Variants in FLG observed in about 807,000 individuals in gnomAD.
FLG encodes filaggrin.
FLG carries 6 observed loss-of-function variants against 3.8 expected under a neutral mutation model. The observed-to-expected ratio is 1.60, with a 90% CI of 0.87 to 3.15. The LOEUF (loss-of-function observed/expected upper bound fraction) is 3.15, where lower values mean the gene tolerates loss of function less well. FLG is among the 30% of genes most tolerant of loss of function. The pLI is 0.00. For missense variants in FLG, 7,595 were observed against 5,050.9 expected (o/e 1.50, Z -15.27); for synonymous variants, 2,551 against 1,931.6 (o/e 1.32, Z -8.41).
rs1023907523 is a variant in FLG, at chr1:152,313,088, G to T, written c.1798C>A (p.His600Asn). The T allele has an allele frequency of 6.2e-7, 1 of 1,613,806 alleles. No homozygotes were observed. Among genetic ancestry groups the T allele is most frequent in the African/African-American group, 1.3e-5 (1 of 74,774 alleles). The stretch of plus-strand genomic sequence containing the variant: ...GATTGTCCCTGGCCCACCTGTGAGT[G>T]TCTAGAGCTGTCAGCCTGAGAGGAA... ...EASSQADSSRHSQVGQGQSSG... is the reference protein window; with the variant it reads ...EASSQADSSRNSQVGQGQSSG... Residue 600 changes from histidine (H) to asparagine (N), a missense_variant, in exon 3 of 3, where the codon CAC (histidine) becomes AAC (asparagine). His to Asn is a moderately conservative substitution (Grantham distance 68). Transcript: ENST00000368799.
Position 152,309,598 on chromosome 1 carries a change from C to G in FLG, c.5288G>C (p.Gly1763Ala). The G allele has an allele frequency of 6.2e-7, 1 of 1,613,838 alleles. No individual in the cohort carries two copies. Among genetic ancestry groups the G allele is most frequent in the Non-Finnish European group, 8.5e-7 (1 of 1,179,944 alleles). ...AGTGCTCACCTGGTAGAGGAAAGACCCTGAACGTCCAGACCTTTCCCCTGA... is the reference window on the plus strand; with the variant it reads ...AGTGCTCACCTGGTAGAGGAAAGACGCTGAACGTCCAGACCTTTCCCCTGA... ...GQSGERSGRS[G>A]SFLYQVSTHE... The change falls in exon 3 of 3, where the codon GGG (glycine) becomes GCG (alanine). Residue 1763 changes from glycine (G) to alanine (A), a missense_variant. Physicochemically the swap from Gly to Ala is moderately conservative, Grantham distance 60. Transcript: ENST00000368799.
rs1305169176 is a variant in FLG, at chr1:152,303,365, T to C, written c.11521A>G (p.Arg3841Gly). 11 of 1,614,000 alleles carry C rather than the reference T, an allele frequency of 6.8e-6. No individual in the cohort carries two copies. The highest frequency in any genetic ancestry group is 9.3e-6 in the Non-Finnish European group (11 of 1,180,020). Residue 3841 changes from arginine to glycine, a missense_variant, in exon 3 of 3, where the codon AGA becomes GGA. Physicochemically the swap from Arg to Gly is moderately radical, Grantham distance 125. Coordinates refer to ENST00000368799, the MANE Select transcript of FLG (RefSeq NM_002016.2). Reference sequence around the variant, plus strand: ...TCACCCTGGCCGGACTGTGAGTGTCTAGAGCTGTCAGCCTGAGTGGAAGCT... The same window carrying C: ...TCACCCTGGCCGGACTGTGAGTGTCCAGAGCTGTCAGCCTGAGTGGAAGCT... The part of the protein sequence containing the change: ...HEASTQADSS[R>G]HSQSGQGESA...
In FLG at chr1:152,307,318, G is replaced by A. The variant is rs375327299; in HGVS notation, c.7568C>T (p.Ser2523Leu). ...CCCTGAGTGCCTGGAGCCGTCTCCT[G>A]ATTGTTCATCGTTACGAGTTTGTCT... Reference protein sequence around the residue: ...ASRQTRNDEQSGDGSRHSGSR... With the variant: ...ASRQTRNDEQLGDGSRHSGSR... The change falls in exon 3 of 3, where the codon TCA (serine) becomes TTA (leucine). Residue 2523 changes from serine to leucine, a missense_variant. Ser to Leu is a moderately radical substitution (Grantham distance 145, BLOSUM62 -2). Transcript: ENST00000368799. 51 of 1,613,468 alleles carry A rather than the reference G, an allele frequency of 3.2e-5. No individual in the cohort carries two copies. Among genetic ancestry groups the A allele is most frequent in the Non-Finnish European group, 4.1e-5 (48 of 1,179,958 alleles).
rs11204979 is a variant in FLG at position 152,312,603 on chromosome 1, T to G, written c.2283A>C (p.Ser761=). 2.8e-3 allele frequency: 4,406 copies of G among 1,553,418 alleles called. 123 individuals carry two copies. In the African/African-American group the frequency reaches 0.053, roughly 19 times the overall value. ...EGHSEDSDTQ[S]VSGHGQAGHH... ...GACCAGCCTGTCCATGGCCTGACAC[T>G]GACTGTGTGTCTGAGTCTTCTGAAT... The change falls in exon 3 of 3, where the codon TCA becomes TCC. Residue 761 remains serine, a synonymous_variant. Transcript: ENST00000368799.
Position 152,319,747 on chromosome 1 carries a change from A to G in FLG, c.-21-4270T>C, listed in dbSNP as rs374447316. On this transcript the variant is annotated intron_variant, in intron 1 of 2. Transcript: ENST00000368799. ...AGTGAAAATATCCACCAAAAAGAAA[A>G]CATGTAAAGATATTTTCAAGCAAAG... Among the ~76,000 whole-genome samples the G allele has an allele frequency of 3.3e-5, 5 of 151,466 alleles. 1 individual carries two copies. The highest frequency in any genetic ancestry group is 6.6e-5 in the Admixed American group (1 of 15,194).
In FLG at chr1:152,308,822, T is replaced by C. The variant is rs774872607; in HGVS notation, c.6064A>G (p.Ile2022Val). The C allele has an allele frequency of 2.5e-6, 4 of 1,614,020 alleles. No individual in the cohort carries two copies. Among genetic ancestry groups the C allele is most frequent in the South Asian group, 1.1e-5 (1 of 91,080 alleles). The change falls in exon 3 of 3, where the codon ATT (isoleucine) becomes GTT (valine). Residue 2022 changes from isoleucine to valine, a missense_variant. Coordinates refer to ENST00000368799, the MANE Select transcript of FLG (RefSeq NM_002016.2). ...QSADSSRHSG[I>V]GHGQASSAVR... ...GCAGATGAAGCTTGTCCATGCCCAA[T>C]GCCTGAGTGTCTGGAGCTGTCTGCT...
chr1:152,319,778 C>T (rs1652897411), intron 1 of FLG, among the ~76,000 whole-genome samples: 1 of 151,254 alleles, frequency 6.6e-6, no homozygotes, highest in South Asian at 2.1e-4. Context: ...CAAAGAAAAA[C>T]AGAGCTAATC....
In FLG at chr1:152,303,725, C is replaced by T. The variant is rs1381622454; in HGVS notation, c.11161G>A (p.Glu3721Lys). The change falls in exon 3 of 3, where the codon GAG becomes AAG. Residue 3721 changes from glutamate (E) to lysine (K), a missense_variant. Transcript: ENST00000368799. ...LYQVSTHEQS[E>K]SAHGRAGPST... ...GGCCCAGCCCGTCCATGGGCAGACT[C>T]AGACTGTTCATGAGTGCTCACCTGG... is the stretch of plus-strand genomic sequence containing the variant. The T allele has an allele frequency of 6.2e-7, 1 of 1,613,944 alleles. No homozygotes were observed. The highest frequency in any genetic ancestry group is 1.3e-5 in the African/African-American group (1 of 74,912).
At position 152,313,264 on chromosome 1, in the gene FLG, T is replaced by C. The variant is rs1174353063; in HGVS notation, c.1622A>G (p.His541Arg). 3.1e-6 allele frequency: 5 copies of C among 1,613,674 alleles called. No individual in the cohort carries two copies. Among genetic ancestry groups the C allele is most frequent in the African/African-American group, 2.7e-5 (2 of 74,732 alleles). Reference protein sequence around the residue: ...HHEQSVNRSGHSGSHHSHTTS... With the variant: ...HHEQSVNRSGRSGSHHSHTTS... ...GGTGTGGCTGTGATGGGAACCTGAGTGTCCAGACCTATTTACCGATTGCTC... is the reference window on the plus strand; with the variant it reads ...GGTGTGGCTGTGATGGGAACCTGAGCGTCCAGACCTATTTACCGATTGCTC... The change falls in exon 3 of 3, where the codon CAC becomes CGC. Residue 541 changes from histidine to arginine, a missense_variant. Physicochemically the swap from His to Arg is conservative, Grantham distance 29. Coordinates refer to ENST00000368799, the MANE Select transcript of FLG (RefSeq NM_002016.2).
rs749437039 is a variant in FLG at position 152,314,771 on chromosome 1, G to A, written c.139-24C>T. ...TTCTGTACAGAGGGAAGTCACAGAG[G>A]GAGACTGCATCAGACAGAATCACAT... is the stretch of plus-strand genomic sequence containing the variant. On this transcript the variant is annotated intron_variant, in intron 2 of 2. Transcript: ENST00000368799. The A allele has an allele frequency of 3.1e-6, 5 of 1,613,602 alleles. No homozygotes were observed. The African/African-American group carries it at 6.7e-5, about 22-fold the overall frequency.
At position 152,313,093 on chromosome 1, in the gene FLG, G is replaced by C; in HGVS notation, c.1793C>G (p.Ser598Cys). The part of the protein sequence containing the change: ...HHEASSQADS[S>C]RHSQVGQGQS... ...TCCCTGGCCCACCTGTGAGTGTCTA[G>C]AGCTGTCAGCCTGAGAGGAAGCTTC... Residue 598 changes from serine (S) to cysteine (C), a missense_variant, in exon 3 of 3, where the codon TCT (serine) becomes TGT (cysteine). Ser to Cys is a moderately radical substitution (Grantham distance 112, BLOSUM62 -1). Transcript: ENST00000368799. The C allele has an allele frequency of 6.2e-7, 1 of 1,613,904 alleles. No individual in the cohort carries two copies. The highest frequency in any genetic ancestry group is 8.5e-7 in the Non-Finnish European group (1 of 1,180,004).
Position 152,304,836 on chromosome 1 carries a change from T to G in FLG, c.10050A>C (p.Ser3350=). The G allele has an allele frequency of 1.9e-6, 3 of 1,613,886 alleles. No homozygotes were observed. The highest frequency in any genetic ancestry group is 2.5e-6 in the Non-Finnish European group (3 of 1,179,948). Residue 3350 remains serine, a synonymous_variant, in exon 3 of 3, where the codon TCA becomes TCC. Transcript: ENST00000368799. ...ASDSEGHSEE[S]DTQSVSGHGQ... The stretch of plus-strand genomic sequence containing the variant: ...CATGGCCTGACACTGACTGTGTGTC[T>G]GACTCTTCTGAATGTCCCTCACTAT...
chr1:152,313,402 G>T lies in FLG; in HGVS notation c.1484C>A (p.Ser495Ter), dbSNP rs139321371. Residue 495 changes from serine to a stop codon, truncating the protein, a stop_gained, in exon 3 of 3, where the codon TCG becomes TAG. Coordinates refer to ENST00000368799, the MANE Select transcript of FLG (RefSeq NM_002016.2). LOFTEE classifies it low-confidence loss of function (END_TRUNC). ...TGTSTGGRQG[S>*]HHEQARDSSR... ...GCTGTCTCGTGCCTGCTCGTGGTGC[G>T]ATCCTTGTCTTCCTCCAGTGCTGGT... 10 of 1,613,750 alleles carry T rather than the reference G, an allele frequency of 6.2e-6. No individual in the cohort carries two copies. Among genetic ancestry groups the T allele is most frequent in the Middle Eastern group, 1.7e-4 (1 of 6,056 alleles).
chr1:152,309,990 G>C lies in FLG; in HGVS notation c.4896C>G (p.Asn1632Lys), dbSNP rs936961132. 6.2e-7 allele frequency: 1 copy of C among 1,613,962 alleles called. No homozygotes were observed. Among genetic ancestry groups the C allele is most frequent in the South Asian group, 1.1e-5 (1 of 91,066 alleles). Reference sequence around the variant, plus strand: ...CTCTATCTTCTTGATGGGACCTGGGGTTCCTGGAGCCATGTCTTGACTGCT... The same window carrying C: ...CTCTATCTTCTTGATGGGACCTGGGCTTCCTGGAGCCATGTCTTGACTGCT... Reference protein sequence around the residue: ...AREQSRHGSRNPRSHQEDRAS... With the variant: ...AREQSRHGSRKPRSHQEDRAS... Residue 1632 changes from asparagine to lysine, a missense_variant, in exon 3 of 3, where the codon AAC becomes AAG. Asn to Lys is a moderately conservative substitution (Grantham distance 94, BLOSUM62 0). Transcript: ENST00000368799.
Position 152,305,564 on chromosome 1 carries a change from C to T in FLG, c.9322G>A (p.Asp3108Asn). The change falls in exon 3 of 3, where the codon GAC becomes AAC. Residue 3108 changes from aspartate (D) to asparagine (N), a missense_variant. Coordinates refer to ENST00000368799, the MANE Select transcript of FLG (RefSeq NM_002016.2). The part of the protein sequence containing the change: ...SRHSASQYGQ[D>N]TIRGHPGSSR... The stretch of plus-strand genomic sequence containing the variant: ...GACCCCGGGTGTCCACGAATGGTGT[C>T]CTGACCGTATTGGGATGCTGAGTGC... 3 of 1,512,074 alleles carry T rather than the reference C, an allele frequency of 2.0e-6. No individual in the cohort carries two copies. The highest frequency in any genetic ancestry group is 1.8e-4 in the Middle Eastern group (1 of 5,420). The allele number at this position is 1,512,074 out of a possible 1,614,324, so 93.7% of individuals were successfully genotyped here.
chr1:152,322,347 A>T (rs1858479), intron 1 of FLG, among the ~76,000 whole-genome samples: 30,362 of 151,136 alleles, frequency 0.2, 4,022 homozygotes, highest in East Asian at 0.6. Context: ...TCACAGAATG[A>T]TATAACTTTT....
In FLG at chr1:152,313,422, G is replaced by A; in HGVS notation, c.1464C>T (p.Ser488=). 1.2e-6 allele frequency: 2 copies of A among 1,613,834 alleles called. No homozygotes were observed. Among genetic ancestry groups the A allele is most frequent in the Non-Finnish European group, 1.7e-6 (2 of 1,179,966 alleles). The part of the protein sequence containing the change: ...PDSAHGRTGT[S]TGGRQGSHHE... ...GGTGCGATCCTTGTCTTCCTCCAGT[G>A]CTGGTCCCGGTCCGTCCATGGGCAG... Residue 488 remains serine, a synonymous_variant, in exon 3 of 3, where the codon AGC becomes AGT. Transcript: ENST00000368799.
Position 152,310,156 on chromosome 1 carries a change from C to A in FLG, c.4730G>T (p.Gly1577Val). The A allele has an allele frequency of 6.2e-7, 1 of 1,613,942 alleles. No homozygotes were observed. The change falls in exon 3 of 3, where the codon GGC (glycine) becomes GTC (valine). Residue 1577 changes from glycine (G) to valine (V), a missense_variant. Coordinates refer to ENST00000368799, the MANE Select transcript of FLG (RefSeq NM_002016.2). ...RAGSSRHSQV[G>V]QGESAGSKTS... ...CTTGGACCCCGCTGATTCTCCCTGG[C>A]CCACCTGTGAGTGTCTAGAGCTGCC...
At position 152,313,954 on chromosome 1, in the gene FLG, T is replaced by C. The variant is rs764094021; in HGVS notation, c.932A>G (p.Glu311Gly). The C allele has an allele frequency of 6.2e-7, 1 of 1,614,152 alleles. No homozygotes were observed. Among genetic ancestry groups the C allele is most frequent in the Non-Finnish European group, 8.5e-7 (1 of 1,180,026 alleles). The change falls in exon 3 of 3, where the codon GAG becomes GGG. Residue 311 changes from glutamate to glycine, a missense_variant. Glu to Gly is a moderately conservative substitution (Grantham distance 98). Coordinates refer to ENST00000368799, the MANE Select transcript of FLG (RefSeq NM_002016.2). ...RDSEGHSEDS[E>G]RHSGSASRNH... ...TCTGGAAGCCGACCCAGAGTGCCTC[T>C]CAGAGTCTTCTGAGTGTCCCTCACT...
Sources: allele counts gnomAD v4.1 joint callset (sites outside exome capture counted in the v4.1 genomes callset), GRCh38; gene constraint gnomAD v4.1.1; transcripts MANE v1.5; gene names NCBI Gene and HGNC (gene_info 2026-07-23, HGNC 2026-07-21).